The following RPS6KC1 variants were observed in gnomAD, a reference collection of about 807,000 sequenced individuals.
The protein encoded by RPS6KC1 is inactive ribosomal protein S6 kinase delta-1.
RPS6KC1 carries 54 observed loss-of-function variants against 103.8 expected under a neutral mutation model. The ratio of observed to expected loss-of-function variants is 0.52; its 90% confidence interval spans 0.42 to 0.65. RPS6KC1 has a LOEUF of 0.65. RPS6KC1 is among the 30% of genes least tolerant of loss of function. RPS6KC1 has a pLI of 0.00. For synonymous variants in RPS6KC1, 439 were observed against 438.7 expected (o/e 1.00, Z -0.01); for missense variants, 1,151 against 1,253.8 (o/e 0.92, Z 1.24).
At chr1:213,553,901 A>T in the RPS6KC1 span, among the ~76,000 whole-genome samples, 4 of 152,070 alleles carry the variant, frequency 2.6e-5, no homozygotes, top group African/African-American at 9.6e-5. Context: ...TTGTTGATTT[A>T]AATTCCTTAT....
At chr1:213,172,391 C>T (rs528617940) in intron 7 of RPS6KC1, among the ~76,000 whole-genome samples, 23 of 152,142 alleles carry the variant, frequency 1.5e-4, no homozygotes, top group South Asian at 6.2e-4. Context: ...GCCAGGCGTT[C>T]GAGACCAGCC....
chr1:213,406,745 A>G, the RPS6KC1 span, among the ~76,000 whole-genome samples: 1 of 152,188 alleles, frequency 6.6e-6, no homozygotes, highest in Non-Finnish European at 1.5e-5. Context: ...GCACTAAGCT[A>G]TTGTGATGGG....
At chr1:213,060,172 C>T (rs1439047998) in intron 1 of RPS6KC1, among the ~76,000 whole-genome samples, 1 of 152,080 alleles carries the variant, frequency 6.6e-6, no homozygotes, top group African/African-American at 2.4e-5. Context: ...AATATGTAGT[C>T]ATACACATTT....
At chr1:213,832,268 G>A in the RPS6KC1 span, among the ~76,000 whole-genome samples, 1 of 152,132 alleles carries the variant, frequency 6.6e-6, no homozygotes, top group African/African-American at 2.4e-5. Context: ...CACCTGTTGA[G>A]GACTCCTGTT....
the RPS6KC1 span, among the ~76,000 whole-genome samples, chr1:213,521,397 C>T: frequency 6.6e-6 from 1 of 152,230 alleles, no homozygotes; most frequent in East Asian, 1.9e-4. Flanking sequence ...GTCAATCTCT[C>T]TACTTGTAGA....
At chr1:213,074,843 ATTTTTTTTTTT>A (rs752747801) in intron 2 of RPS6KC1, among the ~76,000 whole-genome samples, 5 of 71,268 alleles carry the variant, frequency 7.0e-5, no homozygotes, top group Admixed American at 2.0e-4. Context: ...ACTAGAATAA[ATTTTTTTTTTT>A]TTTTTTTTTT....
the RPS6KC1 span, among the ~76,000 whole-genome samples, chr1:213,690,564 A>T: frequency 6.6e-6 from 1 of 152,284 alleles, no homozygotes; most frequent in African/African-American, 2.4e-5. Flanking sequence ...GAGGAGTAGG[A>T]TGGGCTGATT....
chr1:213,717,202 T>C, the RPS6KC1 span, among the ~76,000 whole-genome samples: 8 of 152,290 alleles, frequency 5.3e-5, no homozygotes, highest in East Asian at 1.3e-3. Context: ...TCAAGGAACT[T>C]ACAGTCCAGT....
the RPS6KC1 span, among the ~76,000 whole-genome samples, chr1:213,324,405 C>T: frequency 2.0e-5 from 3 of 151,990 alleles, no homozygotes; most frequent in African/African-American, 7.3e-5. Flanking sequence ...TTTAAACATC[C>T]AAGATATAAA....
the RPS6KC1 span, among the ~76,000 whole-genome samples, chr1:213,525,261 A>G: frequency 6.6e-6 from 1 of 152,282 alleles, no homozygotes; most frequent in South Asian, 2.1e-4. Flanking sequence ...GAGAGACAGT[A>G]TTTACTGAAA....
At chr1:213,842,795 T>C in the RPS6KC1 span, among the ~76,000 whole-genome samples, 1 of 152,252 alleles carries the variant, frequency 6.6e-6, no homozygotes, top group African/African-American at 2.4e-5. Context: ...TGTTGCATCA[T>C]GCAAACTTGG....
chr1:213,771,997 A>G, the RPS6KC1 span, among the ~76,000 whole-genome samples: 1 of 152,220 alleles, frequency 6.6e-6, no homozygotes, highest in African/African-American at 2.4e-5. Context: ...GTACGCTAAT[A>G]AAGGTAAATT....
intron 12 of RPS6KC1, among the ~76,000 whole-genome samples, chr1:213,249,254 A>G (rs1391450326): frequency 6.6e-6 from 1 of 152,222 alleles, no homozygotes; most frequent in Middle Eastern, 3.2e-3. Flanking sequence ...TGTAATACTG[A>G]GTCTTAAACA....
chr1:213,326,234 C>T, the RPS6KC1 span, among the ~76,000 whole-genome samples: 6 of 151,860 alleles, frequency 4.0e-5, no homozygotes, highest in African/African-American at 1.5e-4. Flanking sequence ...AAAAAGACAG[C>T]AGTCAAAGGC....
chr1:213,071,052 T>A lies in RPS6KC1; in HGVS notation c.141+11T>A. 1 of 1,496,748 alleles carries A rather than the reference T, an allele frequency of 6.7e-7. No homozygotes were observed. The highest frequency in any genetic ancestry group is 9.1e-7 in the Non-Finnish European group (1 of 1,097,918). 92.7% of individuals were successfully genotyped at this position (1,496,748 alleles called of 1,614,324 possible). Reference sequence around the variant, plus strand: ...GAGGATGTCCAGGAGGTAACATTTATATGAAGATTTTATTTTATGTATTTG... The same window carrying A: ...GAGGATGTCCAGGAGGTAACATTTAAATGAAGATTTTATTTTATGTATTTG... On this transcript the variant is annotated intron_variant, in intron 2 of 14. Transcript: ENST00000366960.
chr1:213,701,224 T>G, the RPS6KC1 span, among the ~76,000 whole-genome samples: 2 of 129,520 alleles, frequency 1.5e-5, no homozygotes, highest in Non-Finnish European at 1.7e-5. Flanking sequence ...GTTATGTTCC[T>G]TCTATACCCT....
At chr1:213,379,485 C>T in the RPS6KC1 span, among the ~76,000 whole-genome samples, 12 of 152,256 alleles carry the variant, frequency 7.9e-5, no homozygotes, top group East Asian at 1.9e-3. Flanking sequence ...GGGGAGAGGC[C>T]TGGAACAGAT....
At chr1:213,841,746 C>G in the RPS6KC1 span, among the ~76,000 whole-genome samples, 10 of 152,286 alleles carry the variant, frequency 6.6e-5, no homozygotes, top group African/African-American at 2.4e-4. Flanking sequence ...ACTTTTCCAG[C>G]AAAGATGTTT....
intron 8 of RPS6KC1, 190 bp downstream of exon 8, chr1:213,176,682 A>C (rs1427110017): frequency 5.0e-6 from 2 of 399,562 alleles, no homozygotes; most frequent in Non-Finnish European, 4.6e-6. Context: ...GGTCATGCAA[A>C]ATATATTTGA....
Sources: gnomAD v4.1 joint callset for allele counts (sites outside exome capture counted in the v4.1 genomes callset) on GRCh38, gnomAD v4.1.1 for gene constraint, MANE v1.5 for transcripts, NCBI Gene and HGNC (gene_info 2026-07-23, HGNC 2026-07-21) for gene names.